AMOT: variants seen among roughly 807,000 people sequenced by gnomAD.
AMOT encodes the protein angiomotin.
A neutral mutation model predicts 67.0 loss-of-function variants in AMOT; 11 were observed. The ratio of observed to expected loss-of-function variants is 0.16; its 90% CI spans 0.10 to 0.27. The LOEUF (loss-of-function observed/expected upper bound fraction) is 0.27. Ranked by LOEUF, AMOT falls within the 10% of genes least tolerant of loss-of-function variation. The pLI, the probability that AMOT is intolerant of heterozygous loss-of-function variation, is 1.00. For missense variants in AMOT, 753 were observed against 852.0 expected, an observed-to-expected ratio of 0.88 and a Z score of 1.45; for synonymous variants, 326 against 321.4, an observed-to-expected ratio of 1.01 and a Z score of -0.15.
At chrX:112,826,739 T>TA (rs751539909) in intron 2 of AMOT, among the ~76,000 whole-genome samples, 2 of 112,466 alleles carry the variant, frequency 1.8e-5, no homozygotes, top group South Asian at 7.5e-4. Flanking sequence ...CAGTACTACT[T>TA]AGATTCTTCA....
rs1185620512 is a variant in AMOT at position 112,815,863 on chromosome X, A to C, written c.887T>G (p.Ile296Ser). 1 of 1,165,929 alleles carries C rather than the reference A, an allele frequency of 8.6e-7. No individual in the cohort carries two copies. Among genetic ancestry groups the C allele is most frequent in the Non-Finnish European group, 1.1e-6 (1 of 872,339 alleles). ...GTTCCTGGCTGACAATGGCAATGAGATGTCCTGCGCTGGCCTGTAAAACAT... is the reference window on the plus strand; with the variant it reads ...GTTCCTGGCTGACAATGGCAATGAGCTGTCCTGCGCTGGCCTGTAAAACAT... The part of the protein sequence containing the change: ...EYGAARPAQD[I>S]SLPLSARNSQ... The change falls in exon 5 of 14, where the codon ATC (isoleucine) becomes AGC (serine). Residue 296 changes from isoleucine (I) to serine (S), a missense_variant. Physicochemically the swap from Ile to Ser is moderately radical, Grantham distance 142 (BLOSUM62 -2). Coordinates refer to ENST00000371959, the MANE Select transcript of AMOT (RefSeq NM_001113490.2).
At chrX:112,829,014 G>A (rs915450392) in intron 2 of AMOT, among the ~76,000 whole-genome samples, 2 of 111,999 alleles carry the variant, frequency 1.8e-5, no homozygotes, top group African/African-American at 3.3e-5. Context: ...TAAGATGTGA[G>A]GTGGATTGAA....
In AMOT at chrX:112,779,165, C is replaced by G; in HGVS notation, c.2989G>C (p.Ala997Pro). 1.1e-6 allele frequency: 1 copy of G among 910,222 alleles called. No homozygotes were observed. The highest frequency in any genetic ancestry group is 1.6e-6 in the Non-Finnish European group (1 of 620,187). The allele number at this position is 910,222 out of a possible 1,213,427, so 75.0% of individuals were successfully genotyped here. ...GTTGGTGCCTGAGTCTGAGCAGGAG[C>G]AGAAGCCTGAGCCGCTGCTGGAGCT... ...VPAPAAAQAS[A>P]PAQTQAPTSA... Residue 997 changes from alanine to proline, a missense_variant, in exon 13 of 14, where the codon GCT becomes CCT. Physicochemically the swap from Ala to Pro is conservative, Grantham distance 27. This residue lies in a region of AMOT where 269 missense variants were observed against 300.9 expected (regional missense o/e 0.89). Coordinates refer to ENST00000371959, the MANE Select transcript of AMOT (RefSeq NM_001113490.2).
At chrX:112,819,456 T>C (rs1180138019) in intron 4 of AMOT, 2 of 715,261 alleles carry the variant, frequency 2.8e-6, no homozygotes, top group African/African-American at 4.7e-5. Context: ...TAGGTCACCC[T>C]TAGATTCCAC....
rs1933216266 is a variant in AMOT, at chrX:112,782,437, A to G, written c.2240+103T>C. 8 of 1,080,893 alleles carry G rather than the reference A, an allele frequency of 7.4e-6. No homozygotes were observed. The South Asian group carries it at 1.5e-4, about 20-fold the overall frequency. The allele number at this position is 1,080,893 out of a possible 1,213,427, so 89.1% of individuals were successfully genotyped here. A position where few individuals can be genotyped will look rare whatever the true frequency, so the allele number is the denominator to read the frequency against. ...GACAGGCTGGCAGGGGTGATGGTGG[A>G]GCGGGGAGGCTGCATGATCAGATTT... On this transcript the variant is annotated intron_variant, in intron 11 of 13. Transcript: ENST00000371959.
At position 112,776,558 on chromosome X, in the gene AMOT, TC is replaced by T. The variant is rs1486353383; in HGVS notation, c.*2008del. 1 of 111,828 alleles carries T rather than the reference TC, an allele frequency of 8.9e-6. No individual in the cohort carries two copies. Among genetic ancestry groups the T allele is most frequent in the Non-Finnish European group, 1.9e-5 (1 of 53,131 alleles). 9.2% of individuals were successfully genotyped at this position (111,828 alleles called of 1,213,427 possible). On this transcript the variant is annotated 3_prime_UTR_variant, in exon 14 of 14. Coordinates refer to ENST00000371959, the MANE Select transcript of AMOT (RefSeq NM_001113490.2). ...AAATCACATCACCCTCCTTTATGTC[TC>T]TACACACACACAGGCACACACACAA...
chrX:112,786,560 T>C (rs2032153108), intron 10 of AMOT, among the ~76,000 whole-genome samples: 2 of 112,285 alleles, frequency 1.8e-5, no homozygotes. Flanking sequence ...CAAAATAATA[T>C]GGAGCCTTAA....
At chrX:112,817,076 G>A (rs1187312008) in intron 4 of AMOT, among the ~76,000 whole-genome samples, 1 of 111,787 alleles carries the variant, frequency 8.9e-6, no homozygotes, top group African/African-American at 3.3e-5. Context: ...CCCATGTCCT[G>A]TGGACACTTG....
At chrX:112,824,472 G>A (rs1172629168) in intron 3 of AMOT, among the ~76,000 whole-genome samples, 1 of 111,440 alleles carries the variant, frequency 9.0e-6, no homozygotes, top group Non-Finnish European at 1.9e-5. Flanking sequence ...AATCTCTCTG[G>A]AAACACGAAC....
chrX:112,835,132 T>C (rs1272638211), intron 1 of AMOT, among the ~76,000 whole-genome samples: 1 of 100,788 alleles, frequency 9.9e-6, no homozygotes, highest in African/African-American at 3.6e-5. Context: ...TCAAAGCATG[T>C]GCCCAATATG....
intron 9 of AMOT, among the ~76,000 whole-genome samples, chrX:112,791,382 G>A (rs1933582696): frequency 9.0e-6 from 1 of 111,298 alleles, no homozygotes; most frequent in Non-Finnish European, 1.9e-5. Flanking sequence ...AAAAATCTAG[G>A]ATTTAGATCC....
chrX:112,782,144 C>T (rs753738997), intron 11 of AMOT, among the ~76,000 whole-genome samples: 5 of 112,213 alleles, frequency 4.5e-5, no homozygotes. Context: ...CCGCCTTGGC[C>T]TTCCAAAGTG....
At chrX:112,781,977 C>T (rs1391205440) in intron 11 of AMOT, among the ~76,000 whole-genome samples, 4 of 111,746 alleles carry the variant, frequency 3.6e-5, no homozygotes, top group Admixed American at 2.8e-4. Flanking sequence ...CAACCTCTGC[C>T]TCCCAAGCTC....
chrX:112,828,430 T>G (rs1378289935), intron 2 of AMOT, among the ~76,000 whole-genome samples: 2 of 105,298 alleles, frequency 1.9e-5, no homozygotes, highest in Non-Finnish European at 3.9e-5. Context: ...CCATGTAAAG[T>G]GCTAAGCATG....
rs143019086 is a variant in AMOT at position 112,819,269 on chromosome X, C to G, written c.872+2986G>C. ...GCACACACATGTGCAATCCTGCACA[C>G]ACACTCTCACCAGAGCAGGTGCCAC... is the stretch of plus-strand genomic sequence containing the variant. On this transcript the variant is annotated intron_variant, in intron 4 of 13. Coordinates refer to ENST00000371959, the MANE Select transcript of AMOT (RefSeq NM_001113490.2). 8.0e-4 allele frequency: 463 copies of G among 581,898 alleles called. 2 individuals are homozygous for G. In the African/African-American group the frequency reaches 0.011, roughly 14 times the overall value. 48.0% of individuals were successfully genotyped at this position (581,898 alleles called of 1,213,427 possible).
At chrX:112,836,090 T>G (rs113121033) in intron 1 of AMOT, among the ~76,000 whole-genome samples, 2 of 112,179 alleles carry the variant, frequency 1.8e-5, no homozygotes, top group Admixed American at 9.4e-5. Context: ...TTTAAACATA[T>G]TATTTTCCAT....
intron 5 of AMOT, among the ~76,000 whole-genome samples, chrX:112,814,548 C>A (rs985681006): frequency 9.0e-6 from 1 of 110,831 alleles, no homozygotes; most frequent in African/African-American, 3.3e-5. Flanking sequence ...TGCAAAGAAG[C>A]GGCCAAAGGC....
intron 8 of AMOT, among the ~76,000 whole-genome samples, chrX:112,801,946 C>T (rs749588729): frequency 9.8e-5 from 11 of 112,164 alleles, no homozygotes; most frequent in Admixed American, 7.5e-4. Context: ...TTCTAAGGTT[C>T]GAGAAAAGAG....
intron 9 of AMOT, 35 bp downstream of exon 9, chrX:112,791,796 CT>C (rs745947451): frequency 3.3e-6 from 4 of 1,196,207 alleles, no homozygotes; most frequent in Middle Eastern, 2.3e-4. Context: ...CATTTTCTTA[CT>C]TTTTTTTCCC....
Sources: gnomAD v4.1 joint callset for allele counts (sites outside exome capture counted in the v4.1 genomes callset) on GRCh38, gnomAD v4.1.1 for gene constraint, gnomAD v4.1.1 regional missense constraint, MANE v1.5 for transcripts, NCBI Gene and HGNC (gene_info 2026-07-23, HGNC 2026-07-21) for gene names.